Variants in TNIK observed in about 807,000 individuals in gnomAD.
TNIK encodes TRAF2 and NCK-interacting protein kinase.
A neutral mutation model predicts 191.3 loss-of-function variants in TNIK; 49 were observed. The ratio of observed to expected loss-of-function variants is 0.26; its 90% CI spans 0.20 to 0.32. TNIK has a LOEUF of 0.32. TNIK is among the 10% of genes least tolerant of loss of function. The probability of loss-of-function intolerance (pLI) is 1.00; values close to 1 mark genes in which losing one functional copy is unlikely to be tolerated. For synonymous variants in TNIK, 594 were observed against 600.9 expected (o/e 0.99, Z 0.17); for missense variants, 1,155 against 1,702.3 (o/e 0.68, Z 5.66).
At chr3:171,165,307 G>T (rs955998640) in intron 10 of TNIK, among the ~76,000 whole-genome samples, 1 of 151,374 alleles carries the variant, frequency 6.6e-6, no homozygotes, top group Admixed American at 6.6e-5. Context: ...AAAAGTGCTG[G>T]GTGGGTGGCT....
intron 2 of TNIK, among the ~76,000 whole-genome samples, chr3:171,264,042 A>T (rs1474217545): frequency 6.7e-6 from 1 of 149,292 alleles, no homozygotes; most frequent in Non-Finnish European, 1.5e-5. Flanking sequence ...GTGTGTATAT[A>T]TATGTGTGTG....
chr3:171,076,723 T>C (rs914845259), intron 28 of TNIK, among the ~76,000 whole-genome samples: 1 of 152,190 alleles, frequency 6.6e-6, no homozygotes, highest in Admixed American at 6.5e-5. Context: ...TCCCTGCTGA[T>C]TCCTGCTCCA....
intron 2 of TNIK, among the ~76,000 whole-genome samples, chr3:171,264,386 GT>G (rs1213954341): frequency 6.6e-6 from 1 of 151,906 alleles, no homozygotes; most frequent in African/African-American, 2.4e-5. Context: ...CGGAGTTTTG[GT>G]CTTGTTGCAC....
At position 171,157,572 on chromosome 3, in the gene TNIK, C is replaced by T; in HGVS notation, c.1109G>A (p.Arg370Lys). The T allele has an allele frequency of 6.4e-7, 1 of 1,559,310 alleles. No homozygotes were observed. Among genetic ancestry groups the T allele is most frequent in the Non-Finnish European group, 8.7e-7 (1 of 1,151,798 alleles). Residue 370 changes from arginine to lysine, a missense_variant, in exon 12 of 33, where the codon AGG (arginine) becomes AAG (lysine). This residue lies in a region of TNIK where 735 missense variants were observed against 848.0 expected (regional missense o/e 0.87). Coordinates refer to ENST00000436636, the MANE Select transcript of TNIK (RefSeq NM_015028.4). ...ANKERSEALR[R>K]QQLEQQQREN... is the part of the protein sequence containing the mutation. Reference sequence around the variant, plus strand: ...CCGCTGCTGCTGCTCCAGCTGCTGCCTCCGTAGGGCCTCAGAACGCTCCTT... The same window carrying T: ...CCGCTGCTGCTGCTCCAGCTGCTGCTTCCGTAGGGCCTCAGAACGCTCCTT...
rs139953348 is a variant in TNIK, at chr3:171,401,823, A to C, written c.58-32138T>G. Among the ~76,000 whole-genome samples the C allele has an allele frequency of 4.3e-3, 661 of 152,328 alleles. 3 individuals are homozygous for C. The highest frequency in any genetic ancestry group is 0.015 in the African/African-American group (628 of 41,574). ...CCTCATAGGGCTGTTGGAAGAATTA[A>C]ATAATGCATTTAAACACAGTCCAGT... is the stretch of plus-strand genomic sequence containing the variant. On this transcript the variant is annotated intron_variant, in intron 1 of 32. Coordinates refer to ENST00000436636, the MANE Select transcript of TNIK (RefSeq NM_015028.4).
intron 1 of TNIK, among the ~76,000 whole-genome samples, chr3:171,457,571 C>G (rs1357454723): frequency 1.3e-5 from 2 of 152,194 alleles, no homozygotes; most frequent in Non-Finnish European, 2.9e-5. Flanking sequence ...ATGAGGCCAC[C>G]TCTCCAAATG....
chr3:171,127,268 T>C (rs111348337), intron 16 of TNIK, among the ~76,000 whole-genome samples: 115 of 152,278 alleles, frequency 7.6e-4, no homozygotes, highest in African/African-American at 2.7e-3. Context: ...TCAGAGGAAA[T>C]CTTCAAAGCC....
At chr3:171,257,766 GT>G (rs1747065520) in intron 2 of TNIK, among the ~76,000 whole-genome samples, 1 of 152,192 alleles carries the variant, frequency 6.6e-6, no homozygotes, top group African/African-American at 2.4e-5. Flanking sequence ...CACACTTGAT[GT>G]GACTTTCTGG....
At chr3:171,174,072 A>G (rs1016518833) in intron 9 of TNIK, among the ~76,000 whole-genome samples, 8 of 152,148 alleles carry the variant, frequency 5.3e-5, no homozygotes, top group Non-Finnish European at 7.4e-5. Context: ...CTTGTTACCA[A>G]TAGCAACTCT....
intron 2 of TNIK, among the ~76,000 whole-genome samples, chr3:171,257,303 T>C (rs1055283136): frequency 4.6e-5 from 7 of 152,230 alleles, no homozygotes; most frequent in African/African-American, 9.6e-5. Context: ...CTGGCCATCA[T>C]GGCAGCATGC....
At chr3:171,160,865 G>A (rs764998580) in intron 11 of TNIK, among the ~76,000 whole-genome samples, 8 of 152,162 alleles carry the variant, frequency 5.3e-5, no homozygotes, top group Non-Finnish European at 8.8e-5. Context: ...GTGGCTACCC[G>A]AATGGGCTTC....
chr3:171,090,047 C>T (rs1721860305), intron 23 of TNIK, among the ~76,000 whole-genome samples: 1 of 152,076 alleles, frequency 6.6e-6, no homozygotes, highest in South Asian at 2.1e-4. Context: ...AATATTAAGC[C>T]CAAGAGACAT....
intron 18 of TNIK, among the ~76,000 whole-genome samples, chr3:171,112,249 C>A (rs140071602): frequency 1.9e-4 from 29 of 152,288 alleles, no homozygotes; most frequent in African/African-American, 6.0e-4. Flanking sequence ...TTGGTAGACA[C>A]AAGCATAGTC....
chr3:171,239,367 T>C (rs1046607425), intron 2 of TNIK, among the ~76,000 whole-genome samples: 2 of 152,222 alleles, frequency 1.3e-5, no homozygotes, highest in East Asian at 1.9e-4. Flanking sequence ...CTGTAAGCGA[T>C]CTGTTTCCAA....
chr3:171,298,966 C>T (rs1352976255), intron 2 of TNIK, among the ~76,000 whole-genome samples: 3 of 152,052 alleles, frequency 2.0e-5, no homozygotes, highest in Admixed American at 1.3e-4. Context: ...TTGCACATCC[C>T]CTTATAGGCC....
chr3:171,209,529 T>A (rs1379881541), intron 4 of TNIK, among the ~76,000 whole-genome samples: 1 of 152,194 alleles, frequency 6.6e-6, no homozygotes, highest in Admixed American at 6.5e-5. Context: ...TTATGGTGTA[T>A]CCCTTTGTTG....
intron 10 of TNIK, among the ~76,000 whole-genome samples, chr3:171,162,915 C>T (rs1734185834): frequency 6.6e-6 from 1 of 152,126 alleles, no homozygotes; most frequent in African/African-American, 2.4e-5. Context: ...AATGAGATAT[C>T]AAAGAAAGGA....
At chr3:171,214,870 G>A (rs1381024441) in intron 3 of TNIK, among the ~76,000 whole-genome samples, 1 of 152,162 alleles carries the variant, frequency 6.6e-6, no homozygotes, top group Non-Finnish European at 1.5e-5. Flanking sequence ...TTATTTAAAT[G>A]TAGCTTTAGT....
intron 2 of TNIK, among the ~76,000 whole-genome samples, chr3:171,264,710 G>GA (rs1280053001): frequency 4.6e-5 from 7 of 152,168 alleles, no homozygotes; most frequent in African/African-American, 1.7e-4. Context: ...TGGAATCAAT[G>GA]AATGTGCACA....
Sources: allele counts gnomAD v4.1 joint callset (sites outside exome capture counted in the v4.1 genomes callset), GRCh38; gene constraint gnomAD v4.1.1; regional missense constraint gnomAD v4.1.1; transcripts MANE v1.5; gene names NCBI Gene and HGNC (gene_info 2026-07-23, HGNC 2026-07-21).